The following ATRN variants were observed in gnomAD, a reference collection of about 807,000 sequenced individuals.
The protein encoded by ATRN is attractin-2.
A neutral mutation model predicts 178.7 loss-of-function variants in ATRN; 54 were observed. The observed-to-expected ratio is 0.30, with a 90% CI of 0.24 to 0.38. The LOEUF (loss-of-function observed/expected upper bound fraction) is 0.38, where lower values mean the gene tolerates loss of function less well. ATRN is among the 10% of genes least tolerant of loss of function. ATRN has a pLI of 1.00. For synonymous variants in ATRN, 636 were observed against 663.0 expected, an observed-to-expected ratio of 0.96 and a Z score of 0.63; for missense variants, 1,443 against 1,815.1, an observed-to-expected ratio of 0.79 and a Z score of 3.73.
intron 5 of ATRN, 26 bp downstream of exon 5, chr20:3,547,515 T>C: frequency 6.5e-7 from 1 of 1,550,170 alleles, no homozygotes; most frequent in Non-Finnish European, 8.9e-7. Context: ...ATTTTTATTT[T>C]TTCTTCCATT....
intron 1 of ATRN, among the ~76,000 whole-genome samples, chr20:3,474,224 C>G (rs1205299538): frequency 6.6e-6 from 1 of 152,148 alleles, no homozygotes; most frequent in East Asian, 1.9e-4. Context: ...AATAGTGTCA[C>G]AGGTGAGTGA....
chr20:3,541,659 A>G (rs2085624149), intron 3 of ATRN, among the ~76,000 whole-genome samples: 1 of 152,184 alleles, frequency 6.6e-6, no homozygotes, highest in South Asian at 2.1e-4. Flanking sequence ...CAGAAAAAAT[A>G]CAGTATTACA....
In ATRN at chr20:3,471,261, C is replaced by T. The variant is rs6051882; in HGVS notation, c.154C>T (p.Leu52=). The part of the protein sequence containing the change: ...GLGAGLRLPR[L]LSPPLRPRLL... ...GGGGGCCGGGCTGCGCCTCCCGCGG[C>T]TGCTGTCTCCACCGCTGCGGCCACG... The change falls in exon 1 of 29, where the codon CTG becomes TTG. Residue 52 remains leucine (L), a synonymous_variant. Transcript: ENST00000262919. 18,470 of 1,448,050 alleles carry T rather than the reference C, an allele frequency of 0.013. 1,281 individuals are homozygous for T. The African/African-American group carries it at 0.19, about 15-fold the overall frequency. The allele number at this position is 1,448,050 out of a possible 1,614,324, so 89.7% of individuals were successfully genotyped here.
At chr20:3,527,907 G>A (rs542726548) in intron 1 of ATRN, among the ~76,000 whole-genome samples, 86 of 151,612 alleles carry the variant, frequency 5.7e-4, no homozygotes, top group African/African-American at 2.0e-3. Flanking sequence ...ATCGCATACT[G>A]GGGCCTGTTG....
At chr20:3,547,783 T>C (rs561001043) in intron 5 of ATRN, among the ~76,000 whole-genome samples, 3 of 152,190 alleles carry the variant, frequency 2.0e-5, no homozygotes, top group African/African-American at 7.2e-5. Context: ...AGCTGGGAGA[T>C]GGGACAAGAG....
chr20:3,598,219 G>C (rs2086558574), intron 22 of ATRN, among the ~76,000 whole-genome samples: 1 of 152,210 alleles, frequency 6.6e-6, no homozygotes, highest in Admixed American at 6.5e-5. Context: ...CTTAGACACA[G>C]ACTGACATTG....
At chr20:3,475,728 G>A (rs1172508219) in intron 1 of ATRN, among the ~76,000 whole-genome samples, 2 of 152,146 alleles carry the variant, frequency 1.3e-5, no homozygotes, top group African/African-American at 4.8e-5. Flanking sequence ...ATGTTTGGGA[G>A]AATTGAATAG....
At chr20:3,498,165 G>C (rs1412954785) in intron 1 of ATRN, among the ~76,000 whole-genome samples, 1 of 152,086 alleles carries the variant, frequency 6.6e-6, no homozygotes, top group African/African-American at 2.4e-5. Flanking sequence ...ACCAATAACA[G>C]GATCTGAAAT....
intron 15 of ATRN, among the ~76,000 whole-genome samples, chr20:3,580,794 G>A (rs766684466): frequency 6.6e-6 from 1 of 152,312 alleles, no homozygotes; most frequent in South Asian, 2.1e-4. Flanking sequence ...CAGACCCTGC[G>A]AGGCCATGGC....
At chr20:3,549,629 TTTTAA>T (rs2085759313) in intron 6 of ATRN, among the ~76,000 whole-genome samples, 1 of 152,234 alleles carries the variant, frequency 6.6e-6, no homozygotes, top group Non-Finnish European at 1.5e-5. Context: ...TTATTTTATC[TTTTAA>T]TTTAATTAAT....
At chr20:3,552,787 C>T (rs140605088) in intron 6 of ATRN, among the ~76,000 whole-genome samples, 22 of 152,236 alleles carry the variant, frequency 1.4e-4, no homozygotes, top group African/African-American at 5.1e-4. Flanking sequence ...TGAGGCTGTC[C>T]TTAATTTACG....
chr20:3,552,738 A>G (rs1447219645), intron 6 of ATRN, among the ~76,000 whole-genome samples: 2 of 152,172 alleles, frequency 1.3e-5, no homozygotes, highest in Non-Finnish European at 2.9e-5. Context: ...CCTTGTAGTT[A>G]TAGAACCGAG....
intron 1 of ATRN, among the ~76,000 whole-genome samples, chr20:3,484,994 A>G (rs2146076617): frequency 6.6e-6 from 1 of 151,086 alleles, no homozygotes; most frequent in African/African-American, 2.4e-5. Flanking sequence ...TTATCTGGGC[A>G]CCTCTCTGAA....
chr20:3,574,251 C>T (rs2086172328), intron 12 of ATRN, among the ~76,000 whole-genome samples: 2 of 152,180 alleles, frequency 1.3e-5, no homozygotes, highest in Admixed American at 1.3e-4. Context: ...GGGGCTCATG[C>T]CGGTAATCCC....
chr20:3,563,421 C>T, intron 10 of ATRN, 58 bp downstream of exon 10: 1 of 1,517,614 alleles, frequency 6.6e-7, no homozygotes, highest in Admixed American at 1.8e-5. Flanking sequence ...CTATAAGCAG[C>T]ATTTAAAAGG....
At chr20:3,550,347 A>G (rs1339495966) in intron 6 of ATRN, among the ~76,000 whole-genome samples, 1 of 152,148 alleles carries the variant, frequency 6.6e-6, no homozygotes, top group East Asian at 1.9e-4. Context: ...CTGTTTTTGT[A>G]CTAGTGCCAT....
At chr20:3,641,748 C>T (rs1483250729) in intron 27 of ATRN, among the ~76,000 whole-genome samples, 2 of 151,844 alleles carry the variant, frequency 1.3e-5, no homozygotes, top group Non-Finnish European at 2.9e-5. Context: ...TAAGCACCTT[C>T]CGAGAACAAG....
chr20:3,587,438 C>T (rs235536), intron 18 of ATRN, among the ~76,000 whole-genome samples: 130,395 of 151,938 alleles, frequency 0.86, 56,350 homozygotes, highest in East Asian at 1. Context: ...AAACTCTCTT[C>T]TTGCCTGTGG....
intron 2 of ATRN, among the ~76,000 whole-genome samples, chr20:3,538,153 T>C (rs1333630416): frequency 7.0e-6 from 1 of 143,002 alleles, no homozygotes; most frequent in Non-Finnish European, 1.5e-5. Flanking sequence ...ATTAAAGAGA[T>C]GTCTACTAAC....
Sources: allele counts gnomAD v4.1 joint callset (sites outside exome capture counted in the v4.1 genomes callset), GRCh38; gene constraint gnomAD v4.1.1; transcripts MANE v1.5; gene names NCBI Gene and HGNC (gene_info 2026-07-23, HGNC 2026-07-21).